The following ZDHHC21 variants were observed in gnomAD, a reference collection of about 807,000 sequenced individuals.
The protein encoded by ZDHHC21 is zDHHC palmitoyltransferase 21, also known as palmitoyltransferase ZDHHC21.
Under a neutral mutation model 34.6 loss-of-function variants are expected in ZDHHC21, and 15 were observed. The observed-to-expected ratio is 0.43, with a 90% CI of 0.29 to 0.67. The LOEUF (loss-of-function observed/expected upper bound fraction) is 0.67, where lower values mean the gene tolerates loss of function less well. Among genes scored for constraint, ZDHHC21 ranks in the 30% least tolerant of loss-of-function variants. ZDHHC21 has a pLI of 0.14. For synonymous variants in ZDHHC21, 142 were observed against 101.8 expected (o/e 1.40, Z -2.38); for missense variants, 344 against 327.7 (o/e 1.05, Z -0.38).
chr9:14,634,746 C>T (rs755072672), intron 8 of ZDHHC21, among the ~76,000 whole-genome samples: 6 of 152,082 alleles, frequency 3.9e-5, no homozygotes, highest in African/African-American at 1.4e-4. Flanking sequence ...ACATCTGTTA[C>T]AACAGACGCA....
chr9:14,630,377 C>T (rs561529397), intron 8 of ZDHHC21, among the ~76,000 whole-genome samples: 15 of 152,276 alleles, frequency 9.9e-5, no homozygotes, highest in East Asian at 1.9e-4. Flanking sequence ...TGTAGCAATT[C>T]GGTCACATCT....
At chr9:14,639,111 G>C (rs1344316291) in intron 8 of ZDHHC21, among the ~76,000 whole-genome samples, 1 of 152,024 alleles carries the variant, frequency 6.6e-6, no homozygotes, top group Non-Finnish European at 1.5e-5. Flanking sequence ...CAACCTAAGT[G>C]TCTATCAACA....
At chr9:14,623,390 A>G (rs942127568) in intron 8 of ZDHHC21, among the ~76,000 whole-genome samples, 3 of 151,950 alleles carry the variant, frequency 2.0e-5, no homozygotes, top group African/African-American at 4.8e-5. Flanking sequence ...CAGGCATGGC[A>G]TGGTGGCATG....
intron 8 of ZDHHC21, among the ~76,000 whole-genome samples, chr9:14,627,022 T>A (rs1169002967): frequency 6.6e-6 from 1 of 152,226 alleles, no homozygotes; most frequent in East Asian, 1.9e-4. Flanking sequence ...ATGATGTTCA[T>A]GTCTGCAATG....
chr9:14,650,902 C>G (rs1347031433), intron 7 of ZDHHC21, among the ~76,000 whole-genome samples: 1 of 151,864 alleles, frequency 6.6e-6, no homozygotes, highest in Non-Finnish European at 1.5e-5. Flanking sequence ...CTCTCATAGC[C>G]TTAAACGCAG....
chr9:14,682,529 G>C (rs1284292874), intron 2 of ZDHHC21, among the ~76,000 whole-genome samples: 1 of 152,152 alleles, frequency 6.6e-6, no homozygotes, highest in East Asian at 1.9e-4. Context: ...GGAGCACCCA[G>C]ATTCATAAAG....
At chr9:14,662,468 T>C in intron 5 of ZDHHC21, 142 bp from the exon 6 acceptor site, 1 of 585,178 alleles carries the variant, frequency 1.7e-6, no homozygotes, top group East Asian at 2.9e-5. Context: ...GGTATAAATG[T>C]GTTTGCCATA....
At chr9:14,620,827 C>G (rs569679010) in intron 8 of ZDHHC21, among the ~76,000 whole-genome samples, 1 of 152,022 alleles carries the variant, frequency 6.6e-6, no homozygotes, top group South Asian at 2.1e-4. Context: ...TTCATTTACA[C>G]ATTTTCCAGG....
intron 7 of ZDHHC21, among the ~76,000 whole-genome samples, chr9:14,647,363 T>G (rs10961635): frequency 0.18 from 26,664 of 152,060 alleles, 2,651 homozygotes; most frequent in South Asian, 0.38. Context: ...GATCTGTGAA[T>G]TCCTTCAGCT....
At chr9:14,657,153 T>C (rs557845654) in intron 7 of ZDHHC21, among the ~76,000 whole-genome samples, 1 of 152,182 alleles carries the variant, frequency 6.6e-6, no homozygotes, top group Non-Finnish European at 1.5e-5. Context: ...TTCATTTGAT[T>C]ATTGGAATTT....
the ZDHHC21 span, among the ~76,000 whole-genome samples, chr9:14,605,279 A>G: frequency 6.6e-6 from 1 of 151,432 alleles, no homozygotes; most frequent in African/African-American, 2.4e-5. Context: ...AGGAACTTCC[A>G]TACTGTTTTT....
chr9:14,655,762 T>A (rs1233004390), intron 7 of ZDHHC21, among the ~76,000 whole-genome samples: 2 of 151,332 alleles, frequency 1.3e-5, no homozygotes, highest in East Asian at 1.9e-4. Context: ...AGGAGAAAAA[T>A]GGGAACACAG....
chr9:14,645,894 G>T (rs1830205067), intron 7 of ZDHHC21, among the ~76,000 whole-genome samples: 1 of 152,054 alleles, frequency 6.6e-6, no homozygotes, highest in Non-Finnish European at 1.5e-5. Context: ...AATGGCTAAT[G>T]TTAAGAAGAT....
At chr9:14,603,644 A>C in the ZDHHC21 span, among the ~76,000 whole-genome samples, 1 of 152,200 alleles carries the variant, frequency 6.6e-6, no homozygotes, top group Non-Finnish European at 1.5e-5. Flanking sequence ...TACTGAGCTA[A>C]TCTTGATTTG....
At chr9:14,658,968 CAAAT>C in intron 6 of ZDHHC21, 81 bp from the exon 7 acceptor site, 5 of 1,380,112 alleles carry the variant, frequency 3.6e-6, no homozygotes, top group Non-Finnish European at 4.0e-6. Context: ...AAATTAAAAA[CAAAT>C]AATATCACAT....
chr9:14,620,200 C>A (rs1278558609), intron 8 of ZDHHC21, among the ~76,000 whole-genome samples: 4 of 151,920 alleles, frequency 2.6e-5, no homozygotes, highest in Admixed American at 2.6e-4. Flanking sequence ...ACTAAACTGA[C>A]CAGAGTTCTT....
chr9:14,683,131 GAAGC>G (rs1338524528), intron 2 of ZDHHC21, among the ~76,000 whole-genome samples: 6 of 151,992 alleles, frequency 3.9e-5, no homozygotes, highest in African/African-American at 1.2e-4. Flanking sequence ...AAGAACTAGA[GAAGC>G]AAGAGCAAAC....
rs116321137 is a variant in ZDHHC21, at chr9:14,635,441, G to T, written c.621+4455C>A. 3.9e-3 allele frequency among the ~76,000 whole-genome samples: 587 copies of T among 152,272 alleles called. 3 individuals carry two copies. The highest frequency in any genetic ancestry group is 0.014 in the Middle Eastern group (4 of 294). On this transcript the variant is annotated intron_variant, in intron 8 of 9. Transcript: ENST00000380916. The stretch of plus-strand genomic sequence containing the variant: ...AATTGTAAAAACAGCAAGAAAGAAA[G>T]CATCAAGTCCCATATGAGGAATCTG...
intron 5 of ZDHHC21, among the ~76,000 whole-genome samples, chr9:14,672,045 C>T (rs549662832): frequency 1.3e-5 from 2 of 152,172 alleles, no homozygotes; most frequent in South Asian, 4.2e-4. Flanking sequence ...GAAAATGGAA[C>T]ATTTCCTTAT....
Sources: allele counts gnomAD v4.1 joint callset (sites outside exome capture counted in the v4.1 genomes callset), GRCh38; gene constraint gnomAD v4.1.1; transcripts MANE v1.5; gene names NCBI Gene and HGNC (gene_info 2026-07-23, HGNC 2026-07-21).